Variants in ZNF407 observed in about 807,000 individuals in gnomAD.
The protein encoded by ZNF407 is zinc finger protein 407.
ZNF407 carries 17 observed loss-of-function variants against 131.2 expected under a neutral mutation model. The ratio of observed to expected loss-of-function variants is 0.13; its 90% CI spans 0.09 to 0.19. ZNF407 has a LOEUF of 0.19. ZNF407 is among the 10% of genes least tolerant of loss of function. The pLI, the probability that ZNF407 is intolerant of heterozygous loss-of-function variation, is 1.00. For missense variants in ZNF407, 2,681 were observed against 2,830.6 expected (o/e 0.95, Z 1.20); for synonymous variants, 1,156 against 1,062.0 (o/e 1.09, Z -1.72).
In ZNF407 at chr18:74,680,207, A is replaced by G. The variant is rs1280933126; in HGVS notation, c.4802+39085A>G. On this transcript the variant is annotated intron_variant, in intron 3 of 8. Coordinates refer to ENST00000299687, the MANE Select transcript of ZNF407 (RefSeq NM_017757.3). ...GGAGTTCAAGACCAGCCTGGGCAAC[A>G]TGGGGAAACCTCGTGTCTACAAAAA... Among the ~76,000 whole-genome samples, 4 of 152,134 alleles carry G rather than the reference A, an allele frequency of 2.6e-5. No homozygotes were observed. The East Asian group carries it at 5.8e-4, about 22-fold the overall frequency.
intron 3 of ZNF407, among the ~76,000 whole-genome samples, chr18:74,707,177 T>C (rs982854431): frequency 1.3e-5 from 2 of 152,140 alleles, no homozygotes; most frequent in African/African-American, 4.8e-5. Context: ...TCTTGTACTC[T>C]GGACTTCAAG....
chr18:74,848,656 A>G (rs1970735531), intron 4 of ZNF407, among the ~76,000 whole-genome samples: 1 of 152,220 alleles, frequency 6.6e-6, no homozygotes, highest in Non-Finnish European at 1.5e-5. Flanking sequence ...TCAAGTTATA[A>G]CACTGATCAT....
intron 8 of ZNF407, among the ~76,000 whole-genome samples, chr18:74,925,720 C>G (rs2145248750): frequency 6.6e-6 from 1 of 152,266 alleles, no homozygotes; most frequent in Non-Finnish European, 1.5e-5. Flanking sequence ...CTCAGAAAAT[C>G]CTGACAGCTT....
intron 4 of ZNF407, among the ~76,000 whole-genome samples, chr18:74,847,869 G>A (rs1970723884): frequency 6.7e-6 from 1 of 149,234 alleles, no homozygotes; most frequent in South Asian, 2.1e-4. Flanking sequence ...AAAAAAACAC[G>A]CTACCCAGCA....
intron 3 of ZNF407, among the ~76,000 whole-genome samples, chr18:74,736,646 G>A (rs1968420146): frequency 6.6e-6 from 1 of 151,854 alleles, no homozygotes; most frequent in African/African-American, 2.4e-5. Context: ...GGCTGTTTTT[G>A]CCAAAAACAT....
intron 3 of ZNF407, among the ~76,000 whole-genome samples, chr18:74,673,954 A>G (rs1986254524): frequency 1.3e-5 from 2 of 152,240 alleles, no homozygotes; most frequent in Non-Finnish European, 2.9e-5. Context: ...AATGTATTCT[A>G]GAAAATATGT....
At chr18:75,049,796 A>T (rs187347650) in intron 8 of ZNF407, among the ~76,000 whole-genome samples, 5 of 152,228 alleles carry the variant, frequency 3.3e-5, no homozygotes, top group African/African-American at 1.2e-4. Context: ...TTTTCTCTAT[A>T]TTCATGGCTA....
chr18:74,671,037 C>T (rs1009395084), intron 3 of ZNF407, among the ~76,000 whole-genome samples: 1 of 152,200 alleles, frequency 6.6e-6, no homozygotes, highest in East Asian at 1.9e-4. Context: ...CACCACTGTC[C>T]ATCTCCAGAA....
At chr18:74,693,339 A>G (rs1332193937) in intron 3 of ZNF407, among the ~76,000 whole-genome samples, 1 of 152,222 alleles carries the variant, frequency 6.6e-6, no homozygotes, top group African/African-American at 2.4e-5. Flanking sequence ...ACATGCATAC[A>G]TGATAATATG....
chr18:74,670,101 T>A lies in ZNF407; in HGVS notation c.4802+28979T>A, dbSNP rs567851934. 2.6e-5 allele frequency among the ~76,000 whole-genome samples: 4 copies of A among 152,300 alleles called. No homozygotes were observed. The South Asian group carries it at 8.3e-4, about 32-fold the overall frequency. Reference sequence around the variant, plus strand: ...CTACAGTGATAGGAACCAAGTAACATGTTCACATCACCAGAGTCTGATCAC... The same window carrying A: ...CTACAGTGATAGGAACCAAGTAACAAGTTCACATCACCAGAGTCTGATCAC... On this transcript the variant is annotated intron_variant, in intron 3 of 8. Coordinates refer to ENST00000299687, the MANE Select transcript of ZNF407 (RefSeq NM_017757.3).
intron 8 of ZNF407, among the ~76,000 whole-genome samples, chr18:75,053,854 C>T (rs1180155353): frequency 2.0e-5 from 3 of 152,240 alleles, no homozygotes; most frequent in Admixed American, 6.5e-5. Flanking sequence ...ATCGTCCCCT[C>T]ACCTTCATGG....
Position 74,631,498 on chromosome 18 carries a change from T to G in ZNF407, c.479T>G (p.Leu160Arg), listed in dbSNP as rs775604076. ...EKTSAQEMVSLDLERESPFPP... is the reference protein window; with the variant it reads ...EKTSAQEMVSRDLERESPFPP... ...ACATCTGCTCAGGAAATGGTTTCCC[T>G]TGATCTGGAAAGAGAATCTCCTTTC... Residue 160 changes from leucine (L) to arginine (R), a missense_variant, in exon 2 of 9, where the codon CTT (leucine) becomes CGT (arginine). Leu to Arg is a moderately radical substitution (Grantham distance 102). Transcript: ENST00000299687. 2 of 1,614,006 alleles carry G rather than the reference T, an allele frequency of 1.2e-6. No homozygotes were observed. Among genetic ancestry groups the G allele is most frequent in the Admixed American group, 3.3e-5 (2 of 60,024 alleles).
intron 4 of ZNF407, among the ~76,000 whole-genome samples, chr18:74,824,529 A>T (rs113978414): frequency 2.6e-5 from 4 of 152,136 alleles, no homozygotes; most frequent in African/African-American, 9.7e-5. Context: ...TGATAAAGGG[A>T]TATCACCACC....
intron 3 of ZNF407, 75 bp downstream of exon 3, chr18:74,641,197 A>G: frequency 1.7e-6 from 2 of 1,205,276 alleles, no homozygotes; most frequent in East Asian, 2.3e-5. Context: ...CGGAATTCAA[A>G]ACCGATAGGA....
At chr18:75,025,538 A>C (rs1292179511) in intron 8 of ZNF407, among the ~76,000 whole-genome samples, 1 of 152,114 alleles carries the variant, frequency 6.6e-6, no homozygotes, top group Admixed American at 6.5e-5. Context: ...CAATGTGTAC[A>C]ACATTTCACT....
intron 3 of ZNF407, among the ~76,000 whole-genome samples, chr18:74,767,541 A>G (rs999427587): frequency 1.3e-5 from 2 of 152,074 alleles, no homozygotes; most frequent in Admixed American, 1.3e-4. Flanking sequence ...TAACTCTAAT[A>G]TATGTAAACC....
chr18:74,625,087 C>T (rs1040018658), intron 1 of ZNF407, among the ~76,000 whole-genome samples: 37 of 152,124 alleles, frequency 2.4e-4, no homozygotes, highest in Admixed American at 6.5e-4. Context: ...CATGTGGTAG[C>T]ATTCAATATT....
intron 4 of ZNF407, among the ~76,000 whole-genome samples, chr18:74,787,353 C>G (rs191172358): frequency 3.9e-5 from 6 of 152,230 alleles, no homozygotes. Context: ...ATGGGTAATT[C>G]TTTGGGTAAT....
chr18:74,813,312 T>G (rs1273942853), intron 4 of ZNF407, among the ~76,000 whole-genome samples: 2 of 152,118 alleles, frequency 1.3e-5, no homozygotes, highest in Non-Finnish European at 2.9e-5. Flanking sequence ...GGGCTCCTTG[T>G]GTTCTGGGGA....
Sources: gnomAD v4.1 joint callset for allele counts (sites outside exome capture counted in the v4.1 genomes callset) on GRCh38, gnomAD v4.1.1 for gene constraint, MANE v1.5 for transcripts, NCBI Gene and HGNC (gene_info 2026-07-23, HGNC 2026-07-21) for gene names.